Variants in ERBB4 observed in about 807,000 individuals in gnomAD.
ERBB4 encodes the protein erb-b2 receptor tyrosine kinase 4, also known as receptor tyrosine-protein kinase erbB-4.
In ERBB4, 42 loss-of-function variants were observed where a neutral mutation model predicts 158.0. That is an observed-to-expected ratio of 0.27 (90% CI 0.21 to 0.34). ERBB4 has a LOEUF of 0.34. Among genes scored for constraint, ERBB4 ranks in the 10% least tolerant of loss-of-function variants. ERBB4 has a pLI of 1.00. For synonymous variants in ERBB4, 583 were observed against 558.7 expected (o/e 1.04, Z -0.61); for missense variants, 1,333 against 1,624.1 (o/e 0.82, Z 3.08).
chr2:212,334,964 G>T (rs1211540809), intron 1 of ERBB4, among the ~76,000 whole-genome samples: 1 of 151,652 alleles, frequency 6.6e-6, no homozygotes, highest in Non-Finnish European at 1.5e-5. Flanking sequence ...CTATATCAGG[G>T]TTTATATTTG....
chr2:212,012,943 C>T (rs1156863917), intron 2 of ERBB4, among the ~76,000 whole-genome samples: 1 of 152,032 alleles, frequency 6.6e-6, no homozygotes, highest in Non-Finnish European at 1.5e-5. Flanking sequence ...CGGGGTCTCA[C>T]TCTGTTGCCC....
chr2:211,577,494 C>CA (rs2067925812), intron 19 of ERBB4, among the ~76,000 whole-genome samples: 1 of 151,916 alleles, frequency 6.6e-6, no homozygotes, highest in Non-Finnish European at 1.5e-5. Context: ...CAAAACCTGG[C>CA]AGAGATACAA....
chr2:211,908,444 T>G (rs1575357146), intron 3 of ERBB4, among the ~76,000 whole-genome samples: 1 of 151,782 alleles, frequency 6.6e-6, no homozygotes, highest in East Asian at 2.0e-4. Flanking sequence ...TTGAGGAATT[T>G]TGGCTCATAA....
At chr2:212,248,830 G>T (rs1430940614) in intron 1 of ERBB4, among the ~76,000 whole-genome samples, 1 of 151,870 alleles carries the variant, frequency 6.6e-6, no homozygotes, top group Non-Finnish European at 1.5e-5. Context: ...ATGATTCTTA[G>T]TAAACATCCT....
intron 12 of ERBB4, among the ~76,000 whole-genome samples, chr2:211,680,284 G>A (rs2072280707): frequency 6.6e-6 from 1 of 151,942 alleles, no homozygotes; most frequent in Admixed American, 6.6e-5. Flanking sequence ...TATTTATACT[G>A]CATGACATTA....
At chr2:211,584,726 T>A (rs963731504) in intron 19 of ERBB4, among the ~76,000 whole-genome samples, 1 of 151,742 alleles carries the variant, frequency 6.6e-6, no homozygotes, top group Non-Finnish European at 1.5e-5. Flanking sequence ...GGAAAATGTA[T>A]CCTAACTTTA....
At chr2:212,069,113 G>A (rs530432219) in intron 2 of ERBB4, among the ~76,000 whole-genome samples, 1 of 152,154 alleles carries the variant, frequency 6.6e-6, no homozygotes, top group South Asian at 2.1e-4. Flanking sequence ...TACCCAGTCT[G>A]AGGTATGTCT....
rs183050086 is a variant in ERBB4, at chr2:212,295,174, C to T, written c.83-170271G>A. ...TAAAAGTCTGATATATTGATGTCCTCAATGCATGGGTGACTTCTTGCTTTT... is the reference window on the plus strand; with the variant it reads ...TAAAAGTCTGATATATTGATGTCCTTAATGCATGGGTGACTTCTTGCTTTT... On this transcript the variant is annotated intron_variant, in intron 1 of 27. Coordinates refer to ENST00000342788, the MANE Select transcript of ERBB4 (RefSeq NM_005235.3). Among the ~76,000 whole-genome samples, 15 of 152,178 alleles carry T rather than the reference C, an allele frequency of 9.9e-5. No individual in the cohort carries two copies. In the East Asian group the frequency reaches 2.9e-3, roughly 30 times the overall value.
chr2:212,113,921 TA>T (rs1265879621), intron 2 of ERBB4, among the ~76,000 whole-genome samples: 2 of 152,202 alleles, frequency 1.3e-5, no homozygotes, highest in Non-Finnish European at 1.5e-5. Flanking sequence ...GTAAGTAATG[TA>T]AAGTAATTCC....
intron 19 of ERBB4, among the ~76,000 whole-genome samples, chr2:211,563,660 T>C (rs1426280128): frequency 6.6e-6 from 1 of 152,220 alleles, no homozygotes; most frequent in Non-Finnish European, 1.5e-5. Flanking sequence ...GGTAATGGTA[T>C]TGCAGCTATG....
intron 1 of ERBB4, among the ~76,000 whole-genome samples, chr2:212,516,689 T>C (rs1024688697): frequency 1.3e-5 from 2 of 152,214 alleles, no homozygotes; most frequent in African/African-American, 4.8e-5. Context: ...CACCCAGATG[T>C]TGTGGATATT....
At chr2:211,514,485 A>T (rs545764547) in intron 20 of ERBB4, among the ~76,000 whole-genome samples, 31 of 152,268 alleles carry the variant, frequency 2.0e-4, no homozygotes, top group African/African-American at 7.5e-4. Flanking sequence ...TTCAGAAAAA[A>T]AATGAAAGAA....
chr2:211,977,957 A>G (rs2081665512), intron 2 of ERBB4, among the ~76,000 whole-genome samples: 1 of 151,268 alleles, frequency 6.6e-6, no homozygotes, highest in Non-Finnish European at 1.5e-5. Flanking sequence ...AGGCTATTTC[A>G]AACATGCCTA....
At position 212,457,104 on chromosome 2, in the gene ERBB4, T is replaced by C. The variant is rs186295731; in HGVS notation, c.82+81345A>G. ...CAGGGGTACCTAAAAGATATCCTAG[T>C]AATATTTAATGATACATCACAAAAT... On this transcript the variant is annotated intron_variant, in intron 1 of 27. Transcript: ENST00000342788. 6.0e-4 allele frequency among the ~76,000 whole-genome samples: 91 copies of C among 152,150 alleles called. No homozygotes were observed. The East Asian group carries it at 0.011, about 18-fold the overall frequency.
chr2:211,977,445 C>G (rs1051651383), intron 2 of ERBB4, among the ~76,000 whole-genome samples: 1 of 149,354 alleles, frequency 6.7e-6, no homozygotes, highest in African/African-American at 2.5e-5. Context: ...ACAACTTTCC[C>G]AATTCTTTGC....
chr2:211,735,746 AC>A (rs2074578077), intron 5 of ERBB4, among the ~76,000 whole-genome samples: 1 of 152,100 alleles, frequency 6.6e-6, no homozygotes, highest in South Asian at 2.1e-4. Context: ...AGAAAAAGAG[AC>A]CTTTTGAGGA....
At chr2:212,142,081 A>G (rs1227910581) in intron 1 of ERBB4, among the ~76,000 whole-genome samples, 1 of 152,140 alleles carries the variant, frequency 6.6e-6, no homozygotes, top group East Asian at 1.9e-4. Flanking sequence ...GTCTTTGAAC[A>G]CTGCTATAAA....
intron 2 of ERBB4, among the ~76,000 whole-genome samples, chr2:212,087,590 A>T (rs1417547183): frequency 3.9e-5 from 6 of 152,058 alleles, no homozygotes; most frequent in South Asian, 4.1e-4. Flanking sequence ...CACTCTACAC[A>T]GTCCAAACCA....
chr2:212,344,918 C>A (rs1347188777), intron 1 of ERBB4, among the ~76,000 whole-genome samples: 1 of 151,892 alleles, frequency 6.6e-6, no homozygotes, highest in Non-Finnish European at 1.5e-5. Context: ...AATGGTAGTA[C>A]ATCTCTCATA....
Sources: allele counts gnomAD v4.1 joint callset (sites outside exome capture counted in the v4.1 genomes callset), GRCh38; gene constraint gnomAD v4.1.1; transcripts MANE v1.5; gene names NCBI Gene and HGNC (gene_info 2026-07-23, HGNC 2026-07-21).